Variants in TFDP1 observed in about 807,000 individuals in gnomAD.
The protein encoded by TFDP1 is DRTF1-polypeptide 1.
Under a neutral mutation model 48.0 loss-of-function variants are expected in TFDP1, and 6 were observed. The observed-to-expected ratio is 0.13, with a 90% CI of 0.07 to 0.25. The LOEUF (loss-of-function observed/expected upper bound fraction) is 0.25, where lower values mean the gene tolerates loss of function less well. TFDP1 is among the 10% of genes least tolerant of loss of function. The probability of loss-of-function intolerance (pLI) is 1.00; values close to 1 mark genes in which losing one functional copy is unlikely to be tolerated. For missense variants in TFDP1, 335 were observed against 543.0 expected, an observed-to-expected ratio of 0.62 and a Z score of 3.81; for synonymous variants, 201 against 211.6, an observed-to-expected ratio of 0.95 and a Z score of 0.44.
At chr13:113,585,873 C>T (rs754296796) in intron 2 of TFDP1, 24 bp downstream of exon 2, 2 of 1,597,404 alleles carry the variant, frequency 1.3e-6, no homozygotes, top group African/African-American at 1.3e-5. Context: ...CTTCATGCTG[C>T]ACACGAATGT....
chr13:113,634,152 C>A, intron 7 of TFDP1, 119 bp downstream of exon 7: 1 of 1,432,506 alleles, frequency 7.0e-7, no homozygotes, highest in Non-Finnish European at 9.8e-7. Flanking sequence ...GTCCGGCTGG[C>A]AGACGGTCAT....
chr13:113,625,869 G>A (rs1485770564), intron 4 of TFDP1, among the ~76,000 whole-genome samples: 1 of 142,536 alleles, frequency 7.0e-6, no homozygotes, highest in Admixed American at 6.9e-5. Flanking sequence ...GCGTCCTCAG[G>A]TGTCTCTCAC....
At chr13:113,631,534 G>A in intron 4 of TFDP1, 89 bp from the exon 5 acceptor site, 1 of 1,486,906 alleles carries the variant, frequency 6.7e-7, no homozygotes, top group East Asian at 2.4e-5. Flanking sequence ...AAATTCAGCA[G>A]TGGCTGCGGA....
At chr13:113,612,116 G>T (rs898372806) in intron 3 of TFDP1, among the ~76,000 whole-genome samples, 2 of 152,306 alleles carry the variant, frequency 1.3e-5, no homozygotes, top group South Asian at 2.1e-4. Flanking sequence ...TGGTGACCAG[G>T]CCCCCACCTC....
At chr13:113,593,796 C>A (rs1186498114) in intron 2 of TFDP1, among the ~76,000 whole-genome samples, 1 of 142,596 alleles carries the variant, frequency 7.0e-6, no homozygotes, top group African/African-American at 2.6e-5. Context: ...GTGCACGCGT[C>A]CTCAGCTATA....
Position 113,633,097 on chromosome 13 carries a change from C to T in TFDP1, c.309-23C>T, listed in dbSNP as rs1487292098. 6.3e-7 allele frequency: 1 copy of T among 1,578,642 alleles called. No individual in the cohort carries two copies. Among genetic ancestry groups the T allele is most frequent in the African/African-American group, 1.4e-5 (1 of 73,836 alleles). ...TCCTCAGGAGGGCTGACAGTCGCTT[C>T]TCTTTTCCTTTGTATTTTGAAGGAA... On this transcript the variant is annotated intron_variant, in intron 5 of 11. Coordinates refer to ENST00000375370, the MANE Select transcript of TFDP1 (RefSeq NM_007111.5). This position sits in a 1 kb window ranked among gnomAD's most constrained non-coding sequence, Gnocchi z 4.5.
chr13:113,618,571 G>A (rs6577057), intron 3 of TFDP1, among the ~76,000 whole-genome samples: 64,514 of 151,992 alleles, frequency 0.42, 14,496 homozygotes, highest in African/African-American at 0.56. Context: ...TCCTGAGGTG[G>A]ACAAAAAAAG....
chr13:113,631,388 T>C (rs977126968), intron 4 of TFDP1, among the ~76,000 whole-genome samples: 17 of 152,126 alleles, frequency 1.1e-4, no homozygotes, highest in Admixed American at 3.9e-4. Context: ...TTTGTCTAAT[T>C]GGAGAAGATG....
chr13:113,608,205 C>T (rs1160571145), intron 2 of TFDP1, among the ~76,000 whole-genome samples: 1 of 152,194 alleles, frequency 6.6e-6, no homozygotes, highest in African/African-American at 2.4e-5. Context: ...CATCAGGCTG[C>T]CCCCGCCAAC....
chr13:113,629,964 A>G (rs946151265), intron 4 of TFDP1, among the ~76,000 whole-genome samples: 2 of 152,194 alleles, frequency 1.3e-5, no homozygotes, highest in Non-Finnish European at 2.9e-5. Flanking sequence ...TGCGTGTGGT[A>G]TGCGCGGAGC....
chr13:113,628,468 C>T (rs1180949550), intron 4 of TFDP1, among the ~76,000 whole-genome samples: 1 of 152,196 alleles, frequency 6.6e-6, no homozygotes, highest in East Asian at 1.9e-4. Flanking sequence ...GTCGTGAGGG[C>T]GGAGCCCATC....
rs773979214 is a variant in TFDP1, at chr13:113,623,790, G to T, written c.186+504G>T. On this transcript the variant is annotated intron_variant, in intron 4 of 11. Coordinates refer to ENST00000375370, the MANE Select transcript of TFDP1 (RefSeq NM_007111.5). The surrounding 1 kb of genome is among the most constrained non-coding windows in gnomAD (Gnocchi z 5.2). The stretch of plus-strand genomic sequence containing the variant: ...GCCACGCACAGGAGAGGGGAAGGTG[G>T]GCATTGGGAAGTGGCGCATCCCCCC... Among the ~76,000 whole-genome samples the T allele has an allele frequency of 6.6e-6, 1 of 152,110 alleles. No homozygotes were observed. The highest frequency in any genetic ancestry group is 1.5e-5 in the Non-Finnish European group (1 of 68,016).
intron 4 of TFDP1, among the ~76,000 whole-genome samples, chr13:113,629,636 C>T (rs1034009694): frequency 1.3e-5 from 2 of 152,148 alleles, no homozygotes; most frequent in Non-Finnish European, 2.9e-5. Flanking sequence ...GTGATCTGAG[C>T]ACGTGTAAGG....
rs1026297554 is a variant in TFDP1 at position 113,623,149 on chromosome 13, T to G, written c.80-31T>G. ...GTAGCCTTAACTTAGAAAAGGAGTC[T>G]CGCCCTTGACCTGGTGTCCTTGTGT... On this transcript the variant is annotated intron_variant, in intron 3 of 11. Coordinates refer to ENST00000375370, the MANE Select transcript of TFDP1 (RefSeq NM_007111.5). This position sits in a 1 kb window ranked among gnomAD's most constrained non-coding sequence, Gnocchi z 5.2. 29 of 1,589,538 alleles carry G rather than the reference T, an allele frequency of 1.8e-5. No individual in the cohort carries two copies. Among genetic ancestry groups the G allele is most frequent in the Non-Finnish European group, 2.5e-5 (29 of 1,164,184 alleles).
chr13:113,633,647 C>T lies in TFDP1; in HGVS notation c.475-243C>T, dbSNP rs1001355808. On this transcript the variant is annotated intron_variant, in intron 6 of 11. Transcript: ENST00000375370. The surrounding 1 kb of genome is among the most constrained non-coding windows in gnomAD (Gnocchi z 4.5). ...CTAGCGGCCCAGAAATGCACAAATG[C>T]CCACCTCACCAGCTGGGCTCGACAC... 2.0e-5 allele frequency among the ~76,000 whole-genome samples: 3 copies of T among 152,184 alleles called. No individual in the cohort carries two copies. The highest frequency in any genetic ancestry group is 6.5e-5 in the Admixed American group (1 of 15,288).
At chr13:113,625,734 C>T (rs1055117606) in intron 4 of TFDP1, among the ~76,000 whole-genome samples, 2 of 56,018 alleles carry the variant, frequency 3.6e-5, no homozygotes, top group East Asian at 1.2e-3. Context: ...AGGCGTCTCT[C>T]ACGTGTCCTC....
intron 3 of TFDP1, among the ~76,000 whole-genome samples, chr13:113,620,000 C>G (rs1382811224): frequency 6.6e-6 from 1 of 152,190 alleles, no homozygotes; most frequent in Non-Finnish European, 1.5e-5. Flanking sequence ...GCCCTGGGTA[C>G]CAGAGGAGGG....
chr13:113,632,494 C>G (rs1311646764), intron 5 of TFDP1, among the ~76,000 whole-genome samples: 1 of 152,240 alleles, frequency 6.6e-6, no homozygotes, highest in Non-Finnish European at 1.5e-5. Context: ...TTCTGGCTGC[C>G]CTCTTTAGAA....
chr13:113,591,424 A>G (rs2048144111), intron 2 of TFDP1, among the ~76,000 whole-genome samples: 1 of 152,206 alleles, frequency 6.6e-6, no homozygotes, highest in Admixed American at 6.5e-5. Context: ...ATAAAATTCA[A>G]AGAATAAAAA....
Sources: allele counts gnomAD v4.1 joint callset (sites outside exome capture counted in the v4.1 genomes callset), GRCh38; gene constraint gnomAD v4.1.1; non-coding constraint Gnocchi (gnomAD v3.1); transcripts MANE v1.5; gene names NCBI Gene and HGNC (gene_info 2026-07-23, HGNC 2026-07-21).